Variants in SENP2 observed in about 807,000 individuals in gnomAD.
SENP2 encodes sentrin-specific protease 2.
In SENP2, 16 loss-of-function variants were observed where a neutral mutation model predicts 86.3. That is an observed-to-expected ratio of 0.19 (90% CI 0.13 to 0.28). The LOEUF is 0.28. Among genes scored for constraint, SENP2 ranks in the 10% least tolerant of loss-of-function variants. The probability of loss-of-function intolerance (pLI) is 1.00; values close to 1 mark genes in which losing one functional copy is unlikely to be tolerated. For synonymous variants in SENP2, 222 were observed against 238.7 expected, an observed-to-expected ratio of 0.93 and a Z score of 0.64; for missense variants, 552 against 703.0, an observed-to-expected ratio of 0.79 and a Z score of 2.43.
chr3:185,613,538 A>G lies in SENP2; in HGVS notation c.933+130A>G, dbSNP rs1722763437. 4 of 557,872 alleles carry G rather than the reference A, an allele frequency of 7.2e-6. No individual in the cohort carries two copies. The South Asian group carries it at 1.0e-4, about 14-fold the overall frequency. The allele number at this position is 557,872 out of a possible 1,614,324, so 34.6% of individuals were successfully genotyped here. A position where few individuals can be genotyped will look rare whatever the true frequency, so the allele number is the denominator to read the frequency against. On this transcript the variant is annotated intron_variant, in intron 10 of 16. Coordinates refer to ENST00000296257, the MANE Select transcript of SENP2 (RefSeq NM_021627.3). ...TAATTCTGTTGTTTTTCTTTAAAAA[A>G]GCAGCAAGCCAGCCAGTCACAGTGG...
At chr3:185,587,179 C>T (rs2148977851) in intron 1 of SENP2, among the ~76,000 whole-genome samples, 1 of 152,318 alleles carries the variant, frequency 6.6e-6, no homozygotes, top group Middle Eastern at 3.4e-3. Flanking sequence ...GTCGCCCAGG[C>T]TGGAGTGCAG....
chr3:185,599,873 G>A (rs556913319), intron 4 of SENP2, among the ~76,000 whole-genome samples: 4 of 149,958 alleles, frequency 2.7e-5, no homozygotes, highest in East Asian at 3.9e-4. Flanking sequence ...GCAATAGGGC[G>A]ATCTCGGCTC....
At chr3:185,618,597 G>T (rs1444398561) in intron 12 of SENP2, among the ~76,000 whole-genome samples, 5 of 152,150 alleles carry the variant, frequency 3.3e-5, no homozygotes, top group Admixed American at 2.0e-4. Context: ...ACCACCACTC[G>T]GCCGGGCGCG....
chr3:185,591,405 G>A (rs1385589827), intron 2 of SENP2, among the ~76,000 whole-genome samples: 1 of 152,062 alleles, frequency 6.6e-6, no homozygotes, highest in Non-Finnish European at 1.5e-5. Flanking sequence ...AGGCTGGAGT[G>A]TAGTGGTGCA....
chr3:185,596,052 G>A (rs548766997), intron 2 of SENP2, among the ~76,000 whole-genome samples: 1 of 152,134 alleles, frequency 6.6e-6, no homozygotes, highest in Admixed American at 6.6e-5. Flanking sequence ...TGCAACCTCC[G>A]CTTCCTGGAT....
At position 185,614,584 on chromosome 3, in the gene SENP2, G is replaced by C; in HGVS notation, c.954G>C (p.Glu318Asp). Reference protein sequence around the residue: ...ENESRRGYQLEPDLSEEVSAR... With the variant: ...ENESRRGYQLDPDLSEEVSAR... ...ATCAGAGGAGGGGATACCAACTGGA[G>C]CCTGACCTATCAGAAGAAGTGTCGG... Residue 318 changes from glutamate (E) to aspartate (D), a missense_variant, in exon 11 of 17, where the codon GAG (glutamate) becomes GAC (aspartate). This residue lies in a region of SENP2 where 383 missense variants were observed against 427.3 expected (regional missense o/e 0.90). Coordinates refer to ENST00000296257, the MANE Select transcript of SENP2 (RefSeq NM_021627.3). 1 of 1,613,904 alleles carries C rather than the reference G, an allele frequency of 6.2e-7. No individual in the cohort carries two copies. Among genetic ancestry groups the C allele is most frequent in the Non-Finnish European group, 8.5e-7 (1 of 1,179,936 alleles).
chr3:185,617,643 C>T (rs1344035375), intron 12 of SENP2, 32 bp downstream of exon 12: 1 of 1,598,006 alleles, frequency 6.3e-7, no homozygotes, highest in Non-Finnish European at 8.5e-7. Flanking sequence ...TTTTGGCTAT[C>T]ATTAAGTTTA....
chr3:185,621,718 T>C (rs1302258019), intron 13 of SENP2, 108 bp from the exon 14 acceptor site: 1 of 627,218 alleles, frequency 1.6e-6, no homozygotes, highest in African/African-American at 1.9e-5. Flanking sequence ...ACATAAAAAA[T>C]TTATATTGGT....
At chr3:185,595,447 C>G (rs1440442722) in intron 2 of SENP2, among the ~76,000 whole-genome samples, 1 of 152,152 alleles carries the variant, frequency 6.6e-6, no homozygotes, top group Non-Finnish European at 1.5e-5. Flanking sequence ...GTACTTATAA[C>G]TATTAGCAAA....
chr3:185,606,117 CAGCTCTAG>C, intron 5 of SENP2, among the ~76,000 whole-genome samples: 1 of 152,064 alleles, frequency 6.6e-6, no homozygotes, highest in Non-Finnish European at 1.5e-5. Context: ...CTTTGTGTGG[CAGCTCTAG>C]TTTAGAAACA....
intron 5 of SENP2, among the ~76,000 whole-genome samples, chr3:185,602,320 T>C (rs1722372201): frequency 6.6e-6 from 1 of 152,036 alleles, no homozygotes; most frequent in African/African-American, 2.4e-5. Flanking sequence ...ATAAAGTGAG[T>C]CTGAACATCT....
intron 12 of SENP2, among the ~76,000 whole-genome samples, chr3:185,618,522 T>G (rs1401034115): frequency 6.6e-6 from 1 of 152,214 alleles, no homozygotes. Context: ...ATTATAAATG[T>G]AATTTGTTTA....
rs200852457 is a variant in SENP2 at position 185,612,518 on chromosome 3, G to A, written c.818-89G>A. ...GCATTTCAATGTAGAGGAATGTCTTGATGTTGTGGAAACTCTGTAAGCTGA... is the reference window on the plus strand; with the variant it reads ...GCATTTCAATGTAGAGGAATGTCTTAATGTTGTGGAAACTCTGTAAGCTGA... On this transcript the variant is annotated intron_variant, in intron 8 of 16. Transcript: ENST00000296257. The A allele has an allele frequency of 2.2e-5, 8 of 357,862 alleles. No individual in the cohort carries two copies. In the African/African-American group the frequency reaches 3.9e-4, roughly 17 times the overall value. The allele number at this position is 357,862 out of a possible 1,614,324, so 22.2% of individuals were successfully genotyped here. A position where few individuals can be genotyped will look rare whatever the true frequency, so the allele number is the denominator to read the frequency against.
intron 2 of SENP2, among the ~76,000 whole-genome samples, chr3:185,591,985 C>T (rs938865183): frequency 2.2e-4 from 29 of 129,734 alleles, no homozygotes; most frequent in Non-Finnish European, 3.2e-4. Flanking sequence ...AAAGAATACT[C>T]CTGTCTTTAA....
intron 13 of SENP2, among the ~76,000 whole-genome samples, 200 bp downstream of exon 13, chr3:185,619,702 T>TA (rs1053940940): frequency 5.9e-5 from 9 of 151,942 alleles, no homozygotes; most frequent in Non-Finnish European, 1.2e-4. Flanking sequence ...ATTTATTCTT[T>TA]AAAAAATTTT....
rs1357153791 is a variant in SENP2, at chr3:185,631,274, C to G, written c.*1430C>G. ...GGTCCCAGAGGTATACTGGTTACAG[C>G]TATTGCAGCCAGTTCCCTGAGACTT... On this transcript the variant is annotated 3_prime_UTR_variant, in exon 17 of 17. Coordinates refer to ENST00000296257, the MANE Select transcript of SENP2 (RefSeq NM_021627.3). 6.6e-6 allele frequency: 1 copy of G among 152,046 alleles called. No individual in the cohort carries two copies. The highest frequency in any genetic ancestry group is 1.5e-5 in the Non-Finnish European group (1 of 68,052). The allele number at this position is 152,046 out of a possible 1,614,324, so 9.4% of individuals were successfully genotyped here. A position where few individuals can be genotyped will look rare whatever the true frequency, so the allele number is the denominator to read the frequency against.
At chr3:185,613,291 A>G in intron 9 of SENP2, 54 bp from the exon 10 acceptor site, 1 of 982,580 alleles carries the variant, frequency 1.0e-6, no homozygotes, top group African/African-American at 1.6e-5. Context: ...ACTAGGATGT[A>G]CTAGGTTTGA....
Position 185,630,980 on chromosome 3 carries a change from A to G in SENP2, c.*1136A>G, listed in dbSNP as rs1712429998. On this transcript the variant is annotated 3_prime_UTR_variant, in exon 17 of 17. Coordinates refer to ENST00000296257, the MANE Select transcript of SENP2 (RefSeq NM_021627.3). ...TATTTAACTTTTTTGTTCATTAAAA[A>G]CCTTACTGATATGGTTATAACTTCA... 6.6e-6 allele frequency: 1 copy of G among 152,002 alleles called. No homozygotes were observed. The highest frequency in any genetic ancestry group is 2.4e-5 in the African/African-American group (1 of 41,344). The allele number at this position is 152,002 out of a possible 1,614,324, so 9.4% of individuals were successfully genotyped here.
At chr3:185,612,710 T>G in intron 9 of SENP2, 52 bp downstream of exon 9, 2 of 1,314,672 alleles carry the variant, frequency 1.5e-6, no homozygotes, top group East Asian at 4.8e-5. Context: ...ATTTTCTTAC[T>G]TTATAAGCTG....
Sources: gnomAD v4.1 joint callset for allele counts (sites outside exome capture counted in the v4.1 genomes callset) on GRCh38, gnomAD v4.1.1 for gene constraint, gnomAD v4.1.1 regional missense constraint, MANE v1.5 for transcripts, NCBI Gene and HGNC (gene_info 2026-07-23, HGNC 2026-07-21) for gene names.